SHLD1: variants seen among roughly 807,000 people sequenced by gnomAD.
SHLD1 encodes the protein shieldin complex subunit 1.
SHLD1 carries 3 observed loss-of-function variants against 5.5 expected under a neutral mutation model. That is an observed-to-expected ratio of 0.54 (90% CI 0.25 to 1.40). The LOEUF (loss-of-function observed/expected upper bound fraction) is 1.40, where lower values mean the gene tolerates loss of function less well. Ranked by LOEUF, SHLD1 falls within the 40% of genes most tolerant of loss-of-function variation. The probability of loss-of-function intolerance (pLI) is 0.15; values close to 1 mark genes in which losing one functional copy is unlikely to be tolerated. For synonymous variants in SHLD1, 92 were observed against 94.3 expected (o/e 0.98, Z 0.14); for missense variants, 210 against 244.4 (o/e 0.86, Z 0.94).
intron 1 of SHLD1, among the ~76,000 whole-genome samples, chr20:5,767,306 A>AT (rs1984893272): frequency 6.6e-6 from 1 of 151,800 alleles, no homozygotes; most frequent in Non-Finnish European, 1.5e-5. Flanking sequence ...GCTAACATGT[A>AT]TTTTTTAAAT....
intron 2 of SHLD1, among the ~76,000 whole-genome samples, chr20:5,853,483 T>G (rs1473174615): frequency 1.3e-5 from 2 of 152,068 alleles, no homozygotes; most frequent in Admixed American, 6.6e-5. Context: ...ATCGTGTGTG[T>G]GTGTGTATTT....
chr20:5,785,740 G>T (rs1568501766), intron 2 of SHLD1, among the ~76,000 whole-genome samples: 1 of 148,706 alleles, frequency 6.7e-6, no homozygotes, highest in Non-Finnish European at 1.5e-5. Context: ...AGGTTGCAGT[G>T]AGCCGAGACT....
At chr20:5,857,122 C>T (rs2088097923) in intron 2 of SHLD1, among the ~76,000 whole-genome samples, 1 of 152,060 alleles carries the variant, frequency 6.6e-6, no homozygotes, top group Non-Finnish European at 1.5e-5. Context: ...ACTGCAGGTG[C>T]CCACCACCAT....
chr20:5,816,837 A>C (rs553510137), intron 2 of SHLD1, among the ~76,000 whole-genome samples: 1 of 152,314 alleles, frequency 6.6e-6, no homozygotes, highest in African/African-American at 2.4e-5. Context: ...TGGGAGGCCG[A>C]GGCGGGTGGT....
At chr20:5,787,235 C>T (rs2087071951) in intron 2 of SHLD1, among the ~76,000 whole-genome samples, 1 of 152,226 alleles carries the variant, frequency 6.6e-6, no homozygotes, top group African/African-American at 2.4e-5. Context: ...TAGGATCCAA[C>T]TTCTTATGTG....
chr20:5,859,538 C>T (rs1443342946), intron 2 of SHLD1, among the ~76,000 whole-genome samples: 2 of 152,124 alleles, frequency 1.3e-5, no homozygotes, highest in African/African-American at 2.4e-5. Flanking sequence ...TCACTGAGCA[C>T]GAACTGACTA....
chr20:5,825,847 C>G (rs1033746175), intron 2 of SHLD1, among the ~76,000 whole-genome samples: 5 of 152,220 alleles, frequency 3.3e-5, no homozygotes, highest in Admixed American at 2.0e-4. Flanking sequence ...TGCAAGAGAC[C>G]TTAAATGATA....
intron 2 of SHLD1, among the ~76,000 whole-genome samples, chr20:5,800,306 C>G (rs1359551822): frequency 4.0e-4 from 61 of 152,284 alleles, no homozygotes; most frequent in Non-Finnish European, 1.5e-5. Flanking sequence ...TGCCTTTTTT[C>G]CTATAAAAAA....
chr20:5,779,952 G>A (rs1985611229), intron 2 of SHLD1, among the ~76,000 whole-genome samples: 1 of 150,362 alleles, frequency 6.7e-6, no homozygotes, highest in Non-Finnish European at 1.5e-5. Context: ...CATTAACTTG[G>A]CATAGTTTTT....
At chr20:5,832,797 T>TAATAAATAAATA (rs56210743) in intron 2 of SHLD1, among the ~76,000 whole-genome samples, 1 of 143,782 alleles carries the variant, frequency 7.0e-6, no homozygotes, top group Non-Finnish European at 1.5e-5. Flanking sequence ...GAAATCAAAA[T>TAATAAATAAATA]AATAAATAAA....
At chr20:5,814,914 A>G (rs1442783145) in intron 2 of SHLD1, among the ~76,000 whole-genome samples, 1 of 151,958 alleles carries the variant, frequency 6.6e-6, no homozygotes, top group Non-Finnish European at 1.5e-5. Context: ...TGGCCTCCCA[A>G]ATTGCTGGGA....
At chr20:5,766,307 C>A (rs967797346) in intron 1 of SHLD1, among the ~76,000 whole-genome samples, 1 of 152,188 alleles carries the variant, frequency 6.6e-6, no homozygotes, top group South Asian at 2.1e-4. Flanking sequence ...ACCTTGATCA[C>A]TCCATTCCTT....
intron 1 of SHLD1, among the ~76,000 whole-genome samples, chr20:5,772,532 G>A (rs1302804271): frequency 6.6e-6 from 1 of 152,180 alleles, no homozygotes; most frequent in Non-Finnish European, 1.5e-5. Context: ...CCACAGTTGG[G>A]TGAGATCAAC....
intron 2 of SHLD1, among the ~76,000 whole-genome samples, chr20:5,796,920 T>C (rs572108414): frequency 9.8e-4 from 149 of 151,770 alleles, no homozygotes; most frequent in African/African-American, 3.4e-3. Context: ...AATCGGCATA[T>C]CACTTTTCAA....
chr20:5,838,222 A>G (rs1047283957), intron 2 of SHLD1, among the ~76,000 whole-genome samples: 1 of 152,202 alleles, frequency 6.6e-6, no homozygotes, highest in African/African-American at 2.4e-5. Flanking sequence ...ACCTGCTGTA[A>G]TAGGATGTCA....
At chr20:5,857,687 T>C (rs1330109044) in intron 2 of SHLD1, among the ~76,000 whole-genome samples, 1 of 151,610 alleles carries the variant, frequency 6.6e-6, no homozygotes, top group Non-Finnish European at 1.5e-5. Context: ...GGCATGCACC[T>C]GTAGACCCAG....
intron 1 of SHLD1, among the ~76,000 whole-genome samples, chr20:5,769,779 G>A (rs1274456135): frequency 6.7e-6 from 1 of 149,676 alleles, no homozygotes; most frequent in Non-Finnish European, 1.5e-5. Flanking sequence ...TGAGACGGGT[G>A]GATCATCTGA....
Position 5,793,940 on chromosome 20 carries a change from C to T in SHLD1, c.178+20897C>T, listed in dbSNP as rs189862968. ...GGCCAGGCTGGTCTTGAACTCCTGA[C>T]TTCAGGTGATCTGCCCACATCAGCC... On this transcript the variant is annotated intron_variant, in intron 2 of 2. Transcript: ENST00000303142. 1.2e-4 allele frequency among the ~76,000 whole-genome samples: 19 copies of T among 152,142 alleles called. No individual in the cohort carries two copies. In the East Asian group the frequency reaches 3.3e-3, roughly 26 times the overall value.
intron 2 of SHLD1, among the ~76,000 whole-genome samples, chr20:5,800,318 T>G (rs73071283): frequency 1.4e-3 from 208 of 152,370 alleles, no homozygotes; most frequent in South Asian, 3.7e-3. Flanking sequence ...TATAAAAAAC[T>G]TTTCTATCTG....
Sources: allele counts gnomAD v4.1 joint callset (sites outside exome capture counted in the v4.1 genomes callset), GRCh38; gene constraint gnomAD v4.1.1; transcripts MANE v1.5; gene names NCBI Gene and HGNC (gene_info 2026-07-23, HGNC 2026-07-21).